The following WSCD2 variants were observed in gnomAD, a reference collection of about 807,000 sequenced individuals.
The protein encoded by WSCD2 is WSC domain sialate O sulfotransferase 2, also known as sialate:O-sulfotransferase 2.
Under a neutral mutation model 55.7 loss-of-function variants are expected in WSCD2, and 28 were observed. The observed-to-expected ratio is 0.50, with a 90% CI of 0.37 to 0.69. WSCD2 has a LOEUF of 0.69. Ranked by LOEUF, WSCD2 falls within the 30% of genes least tolerant of loss-of-function variation. The pLI, the probability that WSCD2 is intolerant of heterozygous loss-of-function variation, is 0.00. For missense variants in WSCD2, 616 were observed against 762.1 expected (o/e 0.81, Z 2.26); for synonymous variants, 301 against 301.9 (o/e 1.00, Z 0.03).
intron 1 of WSCD2, among the ~76,000 whole-genome samples, chr12:108,163,325 C>A (rs1033406494): frequency 6.6e-6 from 1 of 151,994 alleles, no homozygotes; most frequent in Non-Finnish European, 1.5e-5. Context: ...GCAGAGATTG[C>A]ACCACTGCAC....
intron 8 of WSCD2, among the ~76,000 whole-genome samples, chr12:108,246,276 G>A (rs1166470483): frequency 1.3e-5 from 2 of 152,236 alleles, no homozygotes; most frequent in Non-Finnish European, 2.9e-5. Flanking sequence ...CACCCAGCAA[G>A]GGACTAGGAC....
chr12:108,180,742 A>AC (rs1881614650), intron 1 of WSCD2, among the ~76,000 whole-genome samples: 1 of 152,242 alleles, frequency 6.6e-6, no homozygotes, highest in Admixed American at 6.5e-5. Flanking sequence ...TCTCACAACT[A>AC]CCCAGCACCC....
intron 1 of WSCD2, among the ~76,000 whole-genome samples, chr12:108,170,957 A>T (rs1451905143): frequency 6.6e-6 from 1 of 152,188 alleles, no homozygotes; most frequent in Non-Finnish European, 1.5e-5. Flanking sequence ...TCAAAGGTCC[A>T]CATGAGACCA....
intron 2 of WSCD2, chr12:108,197,190 C>A (rs1033336623): frequency 2.0e-5 from 3 of 152,224 alleles, no homozygotes; most frequent in African/African-American, 7.2e-5. Flanking sequence ...GATGGAAAAT[C>A]TCACTAGCCT....
intron 1 of WSCD2, among the ~76,000 whole-genome samples, chr12:108,132,988 T>C (rs1015866827): frequency 1.3e-5 from 2 of 152,232 alleles, no homozygotes; most frequent in African/African-American, 4.8e-5. Flanking sequence ...AATGTCTCTG[T>C]GTAAACGTGT....
At chr12:108,224,648 G>T (rs1318325161) in intron 4 of WSCD2, 91 bp from the exon 5 acceptor site, 1 of 1,514,390 alleles carries the variant, frequency 6.6e-7, no homozygotes, top group Non-Finnish European at 8.8e-7. Context: ...CAAGACTCTT[G>T]CCTTCTCTGA....
chr12:108,178,563 A>G (rs1454212220), intron 1 of WSCD2, among the ~76,000 whole-genome samples: 4 of 152,222 alleles, frequency 2.6e-5, no homozygotes, highest in Non-Finnish European at 5.9e-5. Flanking sequence ...TTCGACATCT[A>G]CATGCCAACG....
At chr12:108,147,664 C>T (rs986964779) in intron 1 of WSCD2, among the ~76,000 whole-genome samples, 1 of 152,042 alleles carries the variant, frequency 6.6e-6, no homozygotes. Context: ...ATTGCTTGAG[C>T]TCAAAAGTTT....
At chr12:108,224,893 G>C (rs1474825076) in intron 5 of WSCD2, 33 bp downstream of exon 5, 1 of 1,606,762 alleles carries the variant, frequency 6.2e-7, no homozygotes. Flanking sequence ...GGAACTCAGG[G>C]GGAGGGAACC....
At chr12:108,187,670 T>C (rs1802698654) in intron 1 of WSCD2, among the ~76,000 whole-genome samples, 1 of 152,238 alleles carries the variant, frequency 6.6e-6, no homozygotes, top group Admixed American at 6.5e-5. Context: ...CAATAAATAC[T>C]AGCTCACATT....
At chr12:108,211,844 T>C (rs1886230852) in intron 4 of WSCD2, among the ~76,000 whole-genome samples, 2 of 150,192 alleles carry the variant, frequency 1.3e-5, no homozygotes, top group Non-Finnish European at 1.5e-5. Context: ...TTTGTATTTT[T>C]AGTAGAGACA....
chr12:108,174,774 C>G (rs1392410505), intron 1 of WSCD2, among the ~76,000 whole-genome samples: 1 of 152,162 alleles, frequency 6.6e-6, no homozygotes, highest in Non-Finnish European at 1.5e-5. Context: ...GCCACTGCAC[C>G]TGGCTAACTT....
At chr12:108,179,688 G>T (rs1881413968) in intron 1 of WSCD2, among the ~76,000 whole-genome samples, 2 of 152,198 alleles carry the variant, frequency 1.3e-5, no homozygotes, top group African/African-American at 2.4e-5. Flanking sequence ...CTCTGGGGAG[G>T]CAGTGGTGCC....
At chr12:108,231,534 T>C (rs372353354) in intron 6 of WSCD2, among the ~76,000 whole-genome samples, 26 of 152,364 alleles carry the variant, frequency 1.7e-4, no homozygotes, top group African/African-American at 5.5e-4. Context: ...ATGAGGAAAC[T>C]GAGGGCTAGA....
At chr12:108,198,912 G>T (rs1884304942) in intron 2 of WSCD2, among the ~76,000 whole-genome samples, 2 of 152,122 alleles carry the variant, frequency 1.3e-5, no homozygotes, top group Admixed American at 1.3e-4. Context: ...GTTTACACAG[G>T]TCAATAGTGG....
chr12:108,159,916 G>A (rs543998598), intron 1 of WSCD2, among the ~76,000 whole-genome samples: 1 of 152,378 alleles, frequency 6.6e-6, no homozygotes, highest in African/African-American at 2.4e-5. Flanking sequence ...ATTTCTGGCT[G>A]TGAGGGCTCC....
intron 7 of WSCD2, among the ~76,000 whole-genome samples, chr12:108,235,072 A>G (rs1285471637): frequency 1.3e-5 from 2 of 152,204 alleles, no homozygotes; most frequent in Admixed American, 1.3e-4. Context: ...TGGAGTCAAG[A>G]GATCTGATTT....
chr12:108,137,393 T>C (rs145381850), intron 1 of WSCD2, among the ~76,000 whole-genome samples: 1 of 152,308 alleles, frequency 6.6e-6, no homozygotes, highest in Non-Finnish European at 1.5e-5. Context: ...GTTTACTCTT[T>C]CTCTGCACAC....
intron 1 of WSCD2, among the ~76,000 whole-genome samples, chr12:108,132,036 TTG>T (rs756079451): frequency 8.6e-5 from 13 of 151,396 alleles, no homozygotes; most frequent in African/African-American, 2.7e-4. Context: ...TCTTACAGCA[TTG>T]TGTGTGTGTG....
Sources: allele counts gnomAD v4.1 joint callset (sites outside exome capture counted in the v4.1 genomes callset), GRCh38; gene constraint gnomAD v4.1.1; transcripts MANE v1.5; gene names NCBI Gene and HGNC (gene_info 2026-07-23, HGNC 2026-07-21).